Variants in C8orf34 observed in about 807,000 individuals in gnomAD.
C8orf34 encodes the protein chromosome 8 open reading frame 34.
Under a neutral mutation model 68.3 loss-of-function variants are expected in C8orf34, and 65 were observed. The ratio of observed to expected loss-of-function variants is 0.95; its 90% CI spans 0.78 to 1.17. C8orf34 has a LOEUF of 1.17. Ranked by LOEUF, C8orf34 falls within the 50% of genes most tolerant of loss-of-function variation. C8orf34 has a pLI of 0.00. For missense variants in C8orf34, 664 were observed against 655.4 expected (o/e 1.01, Z -0.14); for synonymous variants, 244 against 241.2 (o/e 1.01, Z -0.11).
intron 1 of C8orf34, among the ~76,000 whole-genome samples, chr8:68,335,065 C>A (rs767960180): frequency 9.9e-5 from 15 of 152,078 alleles, no homozygotes; most frequent in Non-Finnish European, 1.8e-4. Context: ...GCGGAGATCT[C>A]CTTTCGTTGT....
chr8:68,390,185 G>A (rs1056796696), intron 1 of C8orf34, among the ~76,000 whole-genome samples: 1 of 152,098 alleles, frequency 6.6e-6, no homozygotes, highest in African/African-American at 2.4e-5. Flanking sequence ...ACTTAATTGG[G>A]GCTGAAGGAC....
rs138745060 is a variant in C8orf34, at chr8:68,781,424, A to T, written c.1455+4975A>T. 6.6e-3 allele frequency among the ~76,000 whole-genome samples: 1,005 copies of T among 152,326 alleles called. 9 individuals are homozygous for T. Among genetic ancestry groups the T allele is most frequent in the African/African-American group, 0.022 (915 of 41,570 alleles). On this transcript the variant is annotated intron_variant, in intron 11 of 13. Coordinates refer to ENST00000518698, the MANE Select transcript of C8orf34 (RefSeq NM_052958.4). ...GCTGTAATTATGGTGAAAGTGTTTT[A>T]GAAAAAGAATGAATAGGATTTCTTC...
intron 10 of C8orf34, among the ~76,000 whole-genome samples, chr8:68,760,923 C>T (rs143012852): frequency 1.3e-5 from 2 of 152,080 alleles, no homozygotes; most frequent in Non-Finnish European, 2.9e-5. Flanking sequence ...TCTAGAAGAC[C>T]ATAGGCTATG....
chr8:68,558,007 A>G (rs1816303991), intron 7 of C8orf34, among the ~76,000 whole-genome samples: 1 of 152,180 alleles, frequency 6.6e-6, no homozygotes, highest in Non-Finnish European at 1.5e-5. Flanking sequence ...AAATGCCTTT[A>G]TAACTGGAGA....
At chr8:68,669,499 A>G (rs1463021058) in intron 8 of C8orf34, among the ~76,000 whole-genome samples, 1 of 152,200 alleles carries the variant, frequency 6.6e-6, no homozygotes, top group Non-Finnish European at 1.5e-5. Context: ...GGAGAGTAGG[A>G]TGGCTCACAA....
chr8:68,520,907 GA>G (rs1200997816), intron 5 of C8orf34, among the ~76,000 whole-genome samples: 2 of 152,180 alleles, frequency 1.3e-5, no homozygotes, highest in African/African-American at 4.8e-5. Context: ...GTAGCAAATA[GA>G]AATGATGTTG....
intron 7 of C8orf34, chr8:68,535,882 A>G (rs1815445557): frequency 2.0e-6 from 2 of 980,600 alleles, no homozygotes; most frequent in African/African-American, 1.7e-5. Context: ...CTGTAATTAT[A>G]GAAGATACTG....
intron 1 of C8orf34, among the ~76,000 whole-genome samples, chr8:68,389,091 G>A (rs1188872210): frequency 1.3e-5 from 2 of 152,108 alleles, no homozygotes; most frequent in East Asian, 1.9e-4. Context: ...TCTGGCATTC[G>A]TATTTTTGTA....
chr8:68,818,306 T>C lies in C8orf34; in HGVS notation c.*60T>C. 6.5e-7 allele frequency: 1 copy of C among 1,538,102 alleles called. No individual in the cohort carries two copies. Among genetic ancestry groups the C allele is most frequent in the South Asian group, 1.1e-5 (1 of 87,932 alleles). On this transcript the variant is annotated 3_prime_UTR_variant, in exon 14 of 14. Transcript: ENST00000518698. ...AAATGCAGTTATTCAAATCCTTATG[T>C]ATAGTTCTAATTTTATTTACTATGT...
At chr8:68,430,090 G>A (rs1480785188) in intron 1 of C8orf34, among the ~76,000 whole-genome samples, 1 of 152,106 alleles carries the variant, frequency 6.6e-6, no homozygotes, top group Non-Finnish European at 1.5e-5. Flanking sequence ...AAGCTCCTAA[G>A]ATGGGAGAGA....
At chr8:68,512,948 G>A (rs1359691566) in intron 5 of C8orf34, among the ~76,000 whole-genome samples, 5 of 152,140 alleles carry the variant, frequency 3.3e-5, no homozygotes, top group African/African-American at 1.2e-4. Context: ...GCTAAGTGCA[G>A]CCAAGGTTTG....
chr8:68,382,115 T>C (rs1808068428), intron 1 of C8orf34, among the ~76,000 whole-genome samples: 1 of 152,210 alleles, frequency 6.6e-6, no homozygotes, highest in African/African-American at 2.4e-5. Context: ...TGATAACATA[T>C]TTTATCTATT....
chr8:68,531,949 C>G (rs918700044), intron 6 of C8orf34, among the ~76,000 whole-genome samples: 1 of 151,946 alleles, frequency 6.6e-6, no homozygotes, highest in Non-Finnish European at 1.5e-5. Context: ...TTATTTCTTC[C>G]CCTGATTGAA....
intron 7 of C8orf34, among the ~76,000 whole-genome samples, chr8:68,635,504 G>A (rs1818809962): frequency 6.6e-6 from 1 of 152,158 alleles, no homozygotes; most frequent in African/African-American, 2.4e-5. Flanking sequence ...CCCCCAAAAG[G>A]TGATTGCTTC....
intron 10 of C8orf34, among the ~76,000 whole-genome samples, chr8:68,745,989 A>G (rs1210263865): frequency 1.3e-5 from 2 of 152,260 alleles, no homozygotes; most frequent in Middle Eastern, 6.8e-3. Flanking sequence ...TTGGAAGTAA[A>G]GCTCTTCTCA....
intron 9 of C8orf34, among the ~76,000 whole-genome samples, chr8:68,714,761 C>G (rs774303283): frequency 6.6e-6 from 1 of 152,040 alleles, no homozygotes; most frequent in Non-Finnish European, 1.5e-5. Context: ...CTTCACAGAA[C>G]TAGGAAAGAC....
At chr8:68,597,365 T>C (rs1280640463) in intron 7 of C8orf34, among the ~76,000 whole-genome samples, 1 of 152,126 alleles carries the variant, frequency 6.6e-6, no homozygotes, top group Non-Finnish European at 1.5e-5. Context: ...AGTAAGGTGT[T>C]ACTTATTTTT....
intron 1 of C8orf34, among the ~76,000 whole-genome samples, chr8:68,437,125 C>T (rs1268054539): frequency 6.6e-6 from 1 of 152,144 alleles, no homozygotes; most frequent in Admixed American, 6.6e-5. Context: ...TCTTTAATCT[C>T]ATATATTCAT....
chr8:68,426,127 C>A (rs1049705189), intron 1 of C8orf34, among the ~76,000 whole-genome samples: 3 of 152,124 alleles, frequency 2.0e-5, no homozygotes, highest in Non-Finnish European at 4.4e-5. Context: ...ATCTTCATAT[C>A]TCTTGTATAT....
Sources: allele counts gnomAD v4.1 joint callset (sites outside exome capture counted in the v4.1 genomes callset), GRCh38; gene constraint gnomAD v4.1.1; transcripts MANE v1.5; gene names NCBI Gene and HGNC (gene_info 2026-07-23, HGNC 2026-07-21).